The following AKAP8L variants were observed in gnomAD, a reference collection of about 807,000 sequenced individuals.
AKAP8L encodes A-kinase anchor protein 8-like.
In AKAP8L, 34 loss-of-function variants were observed where a neutral mutation model predicts 77.5. That is an observed-to-expected ratio of 0.44 (90% CI 0.33 to 0.58). The LOEUF is 0.58. Ranked by LOEUF, AKAP8L falls within the 20% of genes least tolerant of loss-of-function variation. The pLI is 0.02. For missense variants in AKAP8L, 806 were observed against 887.6 expected, an observed-to-expected ratio of 0.91 and a Z score of 1.17; for synonymous variants, 342 against 340.7, an observed-to-expected ratio of 1.00 and a Z score of -0.04.
chr19:15,395,130 C>A (rs1414993397), intron 12 of AKAP8L, among the ~76,000 whole-genome samples: 1 of 151,540 alleles, frequency 6.6e-6, no homozygotes, highest in African/African-American at 2.4e-5. Flanking sequence ...CCTGGGTTCA[C>A]GCCATTCTCC....
At chr19:15,418,123 G>T (rs1334582238) in intron 1 of AKAP8L, among the ~76,000 whole-genome samples, 1 of 152,222 alleles carries the variant, frequency 6.6e-6, no homozygotes, top group Non-Finnish European at 1.5e-5. Context: ...CCTCTTTACA[G>T]AAGGCTCCAA....
chr19:15,380,314 C>T lies in AKAP8L; in HGVS notation c.1749G>A (p.Glu583=), dbSNP rs770742237. 2.6e-6 allele frequency: 4 copies of T among 1,536,100 alleles called. No individual in the cohort carries two copies. The highest frequency in any genetic ancestry group is 3.5e-6 in the Non-Finnish European group (4 of 1,146,620). The change falls in exon 14 of 14, where the codon GAG becomes GAA. Residue 583 remains glutamate (E), a synonymous_variant. Coordinates refer to ENST00000397410, the MANE Select transcript of AKAP8L (RefSeq NM_014371.4). The part of the protein sequence containing the change: ...GEAAGISEGA[E]GVPAQPPVPP... ...GCACGGGAGGCTGCGCCGGCACGCC[C>T]TCTGCGCCCTCCGAGATCCCTGCCG...
At position 15,398,586 on chromosome 19, in the gene AKAP8L, C is replaced by T. The variant is rs1568267364; in HGVS notation, c.1157+716G>A. On this transcript the variant is annotated intron_variant, in intron 9 of 13. Coordinates refer to ENST00000397410, the MANE Select transcript of AKAP8L (RefSeq NM_014371.4). The surrounding 1 kb of genome is among the most constrained non-coding windows in gnomAD (Gnocchi z 9.2). ...CGGAGCAGGCCGCCGTGGCAAGGGG[C>T]GGAGGAGGCCAGCCGCCACCGAGAC... 1.0e-6 allele frequency: 1 copy of T among 985,634 alleles called. No homozygotes were observed. The highest frequency in any genetic ancestry group is 4.7e-5 in the South Asian group (1 of 21,226). The allele number at this position is 985,634 out of a possible 1,614,324, so 61.1% of individuals were successfully genotyped here.
At position 15,398,911 on chromosome 19, in the gene AKAP8L, G is replaced by T; in HGVS notation, c.1157+391C>A. On this transcript the variant is annotated intron_variant, in intron 9 of 13. Transcript: ENST00000397410. The surrounding 1 kb of genome is among the most constrained non-coding windows in gnomAD (Gnocchi z 9.2). ...TGCCATCTCTCCTGGGCACGGCGGT[G>T]GCCTCTTGGCAGCTAGCTGGGGCGG... is the stretch of plus-strand genomic sequence containing the variant. The T allele has an allele frequency of 1.5e-6, 1 of 670,184 alleles. No individual in the cohort carries two copies. Among genetic ancestry groups the T allele is most frequent in the South Asian group, 3.1e-5 (1 of 32,650 alleles). 41.5% of individuals were successfully genotyped at this position (670,184 alleles called of 1,614,324 possible). A position where few individuals can be genotyped will look rare whatever the true frequency, so the allele number is the denominator to read the frequency against.
At chr19:15,405,005 C>G (rs772673558) in intron 2 of AKAP8L, among the ~76,000 whole-genome samples, 4 of 152,230 alleles carry the variant, frequency 2.6e-5, no homozygotes, top group Admixed American at 6.5e-5. Context: ...GCTCACAAAA[C>G]AAAAACTCTT....
intron 2 of AKAP8L, among the ~76,000 whole-genome samples, chr19:15,406,088 G>A (rs915390148): frequency 1.3e-5 from 2 of 152,074 alleles, no homozygotes; most frequent in Non-Finnish European, 2.9e-5. Context: ...CATCAACTCC[G>A]TGAACACCAC....
At position 15,401,215 on chromosome 19, in the gene AKAP8L, C is replaced by G; in HGVS notation, c.751G>C (p.Gly251Arg). Reference sequence around the variant, plus strand: ...ATCTGCTTCATGCCATTGCCAAACCCGAAACCAAAGCGGGAGCCGCCCGGG... The same window carrying G: ...ATCTGCTTCATGCCATTGCCAAACCGGAAACCAAAGCGGGAGCCGCCCGGG... ...AFPGGSRFGFGFGNGMKQMRR... is the reference protein window; with the variant it reads ...AFPGGSRFGFRFGNGMKQMRR... Residue 251 changes from glycine to arginine, a missense_variant, in exon 5 of 14, where the codon GGG (glycine) becomes CGG (arginine). This residue lies in a region of AKAP8L where 580 missense variants were observed against 694.1 expected (regional missense o/e 0.84). Coordinates refer to ENST00000397410, the MANE Select transcript of AKAP8L (RefSeq NM_014371.4). The surrounding 1 kb of genome is among the most constrained non-coding windows in gnomAD (Gnocchi z 6.2). 1.9e-6 allele frequency: 3 copies of G among 1,612,836 alleles called. No individual in the cohort carries two copies. The highest frequency in any genetic ancestry group is 2.2e-5 in the South Asian group (2 of 91,074).
chr19:15,389,734 G>A (rs2145114838), intron 12 of AKAP8L, among the ~76,000 whole-genome samples: 1 of 152,290 alleles, frequency 6.6e-6, no homozygotes, highest in South Asian at 2.1e-4. Context: ...TTGTGCCATT[G>A]CACTCCAGCC....
chr19:15,411,546 C>G (rs985941611), intron 1 of AKAP8L, among the ~76,000 whole-genome samples: 1 of 151,850 alleles, frequency 6.6e-6, no homozygotes, highest in African/African-American at 2.4e-5. Context: ...GTCACTTGAG[C>G]CCAGAAGGTC....
At position 15,405,799 on chromosome 19, in the gene AKAP8L, A is replaced by G. The variant is rs147195485; in HGVS notation, c.89-1757T>C. Reference sequence around the variant, plus strand: ...TAGCCAGGTGTGGTGGTGCGCGTCTATGGTCTCAGATGCTTGGGAGGCTGA... The same window carrying G: ...TAGCCAGGTGTGGTGGTGCGCGTCTGTGGTCTCAGATGCTTGGGAGGCTGA... On this transcript the variant is annotated intron_variant, in intron 2 of 13. Transcript: ENST00000397410. 2.9e-3 allele frequency among the ~76,000 whole-genome samples: 438 copies of G among 152,048 alleles called. 4 individuals carry two copies. The highest frequency in any genetic ancestry group is 9.6e-3 in the African/African-American group (398 of 41,480).
intron 12 of AKAP8L, among the ~76,000 whole-genome samples, chr19:15,381,516 A>G (rs1053001841): frequency 6.6e-6 from 1 of 152,140 alleles, no homozygotes; most frequent in South Asian, 2.1e-4. Context: ...AAGGTAAAAG[A>G]AGGATATTTT....
At chr19:15,393,940 T>C (rs1276658741) in intron 12 of AKAP8L, among the ~76,000 whole-genome samples, 1 of 150,398 alleles carries the variant, frequency 6.6e-6, no homozygotes, top group Non-Finnish European at 1.5e-5. Flanking sequence ...AACTAAGTGT[T>C]GGTGAGTATG....
In AKAP8L at chr19:15,380,398, C is replaced by T. The variant is rs202121058; in HGVS notation, c.1665G>A (p.Glu555=). 159 of 1,591,324 alleles carry T rather than the reference C, an allele frequency of 1.0e-4. No homozygotes were observed. The highest frequency in any genetic ancestry group is 9.0e-5 in the Non-Finnish European group (105 of 1,170,646). The change falls in exon 14 of 14, where the codon GAG becomes GAA. Residue 555 remains glutamate (E), a synonymous_variant. Transcript: ENST00000397410. ...CCTCAGCCTCCTCCTGCTCCTTCTC[C>T]TCCTCGGGGCTGTCGGTGAAAGGGT... ...GENPFTDSPE[E]EKEQEEAEGG... is the part of the protein sequence containing the mutation.
At chr19:15,407,202 G>A (rs1968017845) in intron 2 of AKAP8L, among the ~76,000 whole-genome samples, 1 of 152,164 alleles carries the variant, frequency 6.6e-6, no homozygotes. Flanking sequence ...GTTGCAGTGA[G>A]CTGAAATTGT....
In AKAP8L at chr19:15,386,226, A is replaced by G. The variant is rs148904796; in HGVS notation, c.1537-5614T>C. On this transcript the variant is annotated intron_variant, in intron 12 of 13. Coordinates refer to ENST00000397410, the MANE Select transcript of AKAP8L (RefSeq NM_014371.4). ...CGCCCGGCCAATCCAGCCCACTTTCATATCTTTAATAATAGTAAACTAATC... is the reference window on the plus strand; with the variant it reads ...CGCCCGGCCAATCCAGCCCACTTTCGTATCTTTAATAATAGTAAACTAATC... 3.1e-4 allele frequency among the ~76,000 whole-genome samples: 47 copies of G among 152,210 alleles called. No homozygotes were observed. In the East Asian group the frequency reaches 9.1e-3, roughly 29 times the overall value.
rs971444405 is a variant in AKAP8L, at chr19:15,398,689, C to T, written c.1157+613G>A. 28 of 988,012 alleles carry T rather than the reference C, an allele frequency of 2.8e-5. No homozygotes were observed. Among genetic ancestry groups the T allele is most frequent in the East Asian group, 2.3e-4 (2 of 8,834 alleles). 61.2% of individuals were successfully genotyped at this position (988,012 alleles called of 1,614,324 possible). Reference sequence around the variant, plus strand: ...AGCTTTGTCTGGAGAGCCCAGGGGCCGGGCGCCGGCGAGGCTGAGGAAGGT... The same window carrying T: ...AGCTTTGTCTGGAGAGCCCAGGGGCTGGGCGCCGGCGAGGCTGAGGAAGGT... On this transcript the variant is annotated intron_variant, in intron 9 of 13. Transcript: ENST00000397410. This position sits in a 1 kb window ranked among gnomAD's most constrained non-coding sequence, Gnocchi z 9.2.
At chr19:15,418,218 C>T (rs973159608) in intron 1 of AKAP8L, among the ~76,000 whole-genome samples, 3 of 152,242 alleles carry the variant, frequency 2.0e-5, no homozygotes, top group Non-Finnish European at 2.9e-5. Flanking sequence ...TATTAAGATC[C>T]TCGCCTCTAA....
Position 15,401,360 on chromosome 19 carries a change from T to C in AKAP8L, c.606A>G (p.Glu202=). 1.9e-6 allele frequency: 3 copies of C among 1,613,354 alleles called. No individual in the cohort carries two copies. The highest frequency in any genetic ancestry group is 2.5e-6 in the Non-Finnish European group (3 of 1,179,842). The change falls in exon 5 of 14, where the codon GAA becomes GAG. Residue 202 remains glutamate, a synonymous_variant. Coordinates refer to ENST00000397410, the MANE Select transcript of AKAP8L (RefSeq NM_014371.4). The surrounding 1 kb of genome is among the most constrained non-coding windows in gnomAD (Gnocchi z 6.2). ...ACTGGCCCCGGGCCCCCATGGGGTC[T>C]TCCCACATGCGCCCATAGCCTGAGG... ...PMASGYGRMW[E]DPMGARGQCM...
intron 12 of AKAP8L, among the ~76,000 whole-genome samples, chr19:15,391,277 T>C (rs1478171482): frequency 2.6e-5 from 4 of 151,444 alleles, no homozygotes. Context: ...GCTAACATGG[T>C]GAAACCCCAT....
Sources: allele counts gnomAD v4.1 joint callset (sites outside exome capture counted in the v4.1 genomes callset), GRCh38; gene constraint gnomAD v4.1.1; regional missense constraint gnomAD v4.1.1; non-coding constraint Gnocchi (gnomAD v3.1); transcripts MANE v1.5; gene names NCBI Gene and HGNC (gene_info 2026-07-23, HGNC 2026-07-21).